Variants in TYR observed in about 807,000 individuals in gnomAD.
TYR encodes tyrosinase.
A neutral mutation model predicts 51.5 loss-of-function variants in TYR; 58 were observed. The ratio of observed to expected loss-of-function variants is 1.13; its 90% CI spans 0.91 to 1.40. TYR has a LOEUF of 1.40. TYR is among the 40% of genes most tolerant of loss of function. The probability of loss-of-function intolerance (pLI) is 0.00; values close to 1 mark genes in which losing one functional copy is unlikely to be tolerated. For missense variants in TYR, 732 were observed against 647.4 expected (o/e 1.13, Z -1.42); for synonymous variants, 263 against 235.2 (o/e 1.12, Z -1.08).
rs766608548 is a variant in TYR, at chr11:89,177,990, T to C, written c.37T>C (p.Phe13Leu). The C allele has an allele frequency of 1.2e-6, 2 of 1,614,160 alleles. No homozygotes were observed. Among genetic ancestry groups the C allele is most frequent in the East Asian group, 2.2e-5 (1 of 44,866 alleles). The change falls in exon 1 of 5, where the codon TTC becomes CTC. Residue 13 changes from phenylalanine to leucine, a missense_variant. By Grantham distance (22) the Phe-to-Leu change is conservative (BLOSUM62 0). Transcript: ENST00000263321. ...TGTTTTGTACTGCCTGCTGTGGAGTTTCCAGACCTCCGCTGGCCATTTCCC... is the reference window on the plus strand; with the variant it reads ...TGTTTTGTACTGCCTGCTGTGGAGTCTCCAGACCTCCGCTGGCCATTTCCC... ...LAVLYCLLWS[F>L]QTSAGHFPRA...
intron 2 of TYR, among the ~76,000 whole-genome samples, chr11:89,203,859 A>G (rs956014107): frequency 3.9e-5 from 6 of 152,222 alleles, no homozygotes; most frequent in African/African-American, 1.4e-4. Context: ...TAACTACTCT[A>G]TTTCATTCAA....
chr11:89,288,930 T>C (rs952142545), intron 4 of TYR, among the ~76,000 whole-genome samples: 6 of 152,236 alleles, frequency 3.9e-5, no homozygotes, highest in South Asian at 2.1e-4. Context: ...AAGGGGATTA[T>C]TATTCATCAA....
chr11:89,182,971 A>T (rs1943321462), intron 1 of TYR, among the ~76,000 whole-genome samples: 2 of 152,140 alleles, frequency 1.3e-5, no homozygotes, highest in South Asian at 4.1e-4. Flanking sequence ...AGAAGAAAAA[A>T]AGTCACATTT....
chr11:89,218,720 C>T (rs1472662367), intron 2 of TYR, among the ~76,000 whole-genome samples: 1 of 152,080 alleles, frequency 6.6e-6, no homozygotes, highest in Non-Finnish European at 1.5e-5. Flanking sequence ...TTCTTAAATG[C>T]CTTATACCAT....
chr11:89,200,162 G>C (rs1943578044), intron 2 of TYR: 1 of 152,200 alleles, frequency 6.6e-6, no homozygotes, highest in Admixed American at 6.5e-5. Context: ...TGAAACCTCT[G>C]CCTCCCGGGT....
intron 3 of TYR, among the ~76,000 whole-genome samples, chr11:89,264,548 C>T (rs1944501458): frequency 6.6e-6 from 1 of 151,862 alleles, no homozygotes; most frequent in South Asian, 2.1e-4. Context: ...CCATTCGACC[C>T]AGCAATTCTA....
At chr11:89,212,407 T>G (rs371775392) in intron 2 of TYR, among the ~76,000 whole-genome samples, 2 of 152,278 alleles carry the variant, frequency 1.3e-5, no homozygotes, top group South Asian at 4.1e-4. Flanking sequence ...AATCTCTGAA[T>G]AGACCAATAA....
chr11:89,261,916 T>A (rs953776166), intron 3 of TYR, among the ~76,000 whole-genome samples: 1 of 152,042 alleles, frequency 6.6e-6, no homozygotes, highest in Non-Finnish European at 1.5e-5. Context: ...CATTTATGAA[T>A]ATATGGGGAA....
At chr11:89,208,497 A>C (rs1943704248) in intron 2 of TYR, among the ~76,000 whole-genome samples, 1 of 152,204 alleles carries the variant, frequency 6.6e-6, no homozygotes, top group Admixed American at 6.5e-5. Context: ...ATATGTGAGA[A>C]AAGACTTAGG....
intron 3 of TYR, chr11:89,283,837 T>A: frequency 6.6e-6 from 1 of 151,864 alleles, no homozygotes; most frequent in East Asian, 1.9e-4. Context: ...CCAGTCAAAG[T>A]TTTTAGTTGC....
intron 4 of TYR, among the ~76,000 whole-genome samples, chr11:89,294,600 A>T (rs1184691663): frequency 6.6e-6 from 1 of 152,220 alleles, no homozygotes; most frequent in Non-Finnish European, 1.5e-5. Flanking sequence ...CTTAGGACAG[A>T]GGGACGGTGC....
At chr11:89,213,511 C>T (rs756812810) in intron 2 of TYR, among the ~76,000 whole-genome samples, 8 of 152,088 alleles carry the variant, frequency 5.3e-5, no homozygotes, top group Non-Finnish European at 1.0e-4. Context: ...GGTCATACTG[C>T]CCAAAATAAT....
chr11:89,292,492 T>C (rs944112432), intron 4 of TYR, among the ~76,000 whole-genome samples: 5 of 152,120 alleles, frequency 3.3e-5, no homozygotes. Context: ...TGAAGGAATA[T>C]AAATAATCAG....
At chr11:89,236,235 TACAC>T (rs35744603) in intron 3 of TYR, among the ~76,000 whole-genome samples, 5 of 148,908 alleles carry the variant, frequency 3.4e-5, no homozygotes, top group East Asian at 4.0e-4. Context: ...CACACACACA[TACAC>T]ACACACACAC....
chr11:89,242,382 A>AT (rs5793397), intron 3 of TYR, among the ~76,000 whole-genome samples: 33 of 151,152 alleles, frequency 2.2e-4, no homozygotes, highest in Admixed American at 2.0e-3. Context: ...TAATTTGGGC[A>AT]TTTTTTTTTA....
intron 1 of TYR, among the ~76,000 whole-genome samples, chr11:89,188,978 G>T (rs1488243713): frequency 6.6e-6 from 1 of 152,002 alleles, no homozygotes; most frequent in Non-Finnish European, 1.5e-5. Flanking sequence ...AGAAAAATTT[G>T]ATCAAGGTTT....
At chr11:89,214,438 T>C (rs547866290) in intron 2 of TYR, among the ~76,000 whole-genome samples, 117 of 152,200 alleles carry the variant, frequency 7.7e-4, no homozygotes, top group Non-Finnish European at 1.3e-3. Flanking sequence ...CTGGTGGGAG[T>C]GTAAATTAGT....
At chr11:89,219,360 G>T (rs764715293) in intron 2 of TYR, among the ~76,000 whole-genome samples, 2 of 150,526 alleles carry the variant, frequency 1.3e-5, no homozygotes, top group Non-Finnish European at 2.9e-5. Context: ...GCAGTGGAGC[G>T]ATCTTGGCTC....
chr11:89,256,071 G>A (rs1944387770), intron 3 of TYR, among the ~76,000 whole-genome samples: 1 of 151,554 alleles, frequency 6.6e-6, no homozygotes, highest in Non-Finnish European at 1.5e-5. Flanking sequence ...TATAGAATCA[G>A]GGTGAAATAT....
Sources: allele counts gnomAD v4.1 joint callset (sites outside exome capture counted in the v4.1 genomes callset), GRCh38; gene constraint gnomAD v4.1.1; transcripts MANE v1.5; gene names NCBI Gene and HGNC (gene_info 2026-07-23, HGNC 2026-07-21).